Variants in NBAS observed in about 807,000 individuals in gnomAD.
NBAS encodes the protein NAG/BC035112 fusion.
Under a neutral mutation model 302.5 loss-of-function variants are expected in NBAS, and 219 were observed. The observed-to-expected ratio is 0.72, with a 90% CI of 0.65 to 0.81. The LOEUF (loss-of-function observed/expected upper bound fraction) is 0.81. Ranked by LOEUF, NBAS falls within the 30% of genes least tolerant of loss-of-function variation. The pLI is 0.00. For synonymous variants in NBAS, 1,118 were observed against 1,021.6 expected (o/e 1.09, Z -1.80); for missense variants, 2,932 against 2,841.6 (o/e 1.03, Z -0.72).
At chr2:15,483,890 C>G (rs11901502) in intron 12 of NBAS, among the ~76,000 whole-genome samples, 1 of 152,168 alleles carries the variant, frequency 6.6e-6, no homozygotes, top group Middle Eastern at 3.2e-3. Flanking sequence ...AAATTATAAG[C>G]TGACTAGTTT....
chr2:14,800,761 A>G, the NBAS span, among the ~76,000 whole-genome samples: 1 of 144,168 alleles, frequency 6.9e-6, no homozygotes, highest in African/African-American at 2.6e-5. Context: ...CACTTTAAAC[A>G]GTTGATTTTA....
chr2:15,330,986 G>A (rs1672316246), intron 35 of NBAS, among the ~76,000 whole-genome samples: 1 of 151,834 alleles, frequency 6.6e-6, no homozygotes, highest in African/African-American at 2.4e-5. Context: ...AATAGAATTG[G>A]GAAAAGAGAA....
At chr2:15,382,036 T>TA (rs558057649) in intron 29 of NBAS, among the ~76,000 whole-genome samples, 30 of 152,262 alleles carry the variant, frequency 2.0e-4, no homozygotes, top group Middle Eastern at 3.4e-3. Context: ...AAATTCTAAT[T>TA]AAAAAAACTT....
the NBAS span, among the ~76,000 whole-genome samples, chr2:14,800,349 C>G: frequency 6.6e-6 from 1 of 152,170 alleles, no homozygotes; most frequent in African/African-American, 2.4e-5. Flanking sequence ...AACAAGCTCT[C>G]TCTTTGCCTG....
At chr2:15,523,639 C>T (rs546179478) in intron 9 of NBAS, among the ~76,000 whole-genome samples, 6 of 152,246 alleles carry the variant, frequency 3.9e-5, no homozygotes, top group Non-Finnish European at 8.8e-5. Flanking sequence ...ATAGGCCAGG[C>T]GCAGTGGCTC....
At chr2:15,161,373 C>T in the NBAS span, among the ~76,000 whole-genome samples, 33 of 152,060 alleles carry the variant, frequency 2.2e-4, no homozygotes, top group Non-Finnish European at 3.8e-4. Context: ...TGTAAAAAAA[C>T]GAGCTAAAAT....
chr2:15,401,359 G>T (rs1676143887), intron 26 of NBAS, among the ~76,000 whole-genome samples: 2 of 151,834 alleles, frequency 1.3e-5, no homozygotes, highest in African/African-American at 4.8e-5. Flanking sequence ...AAATAAAAAT[G>T]TCCTTAAAAG....
the NBAS span, among the ~76,000 whole-genome samples, chr2:14,896,978 T>C: frequency 6.6e-6 from 1 of 151,986 alleles, no homozygotes. Flanking sequence ...CTACTAGAGC[T>C]GCATGGAAAT....
chr2:15,379,950 G>T, intron 29 of NBAS, 119 bp from the exon 30 acceptor site: 1 of 844,510 alleles, frequency 1.2e-6, no homozygotes, highest in Non-Finnish European at 1.9e-6. Flanking sequence ...AGAGGTGGTG[G>T]CTGCACAGCA....
the NBAS span, among the ~76,000 whole-genome samples, chr2:14,798,099 C>A: frequency 6.6e-6 from 1 of 151,962 alleles, no homozygotes; most frequent in African/African-American, 2.4e-5. Context: ...TTTGTCTTGC[C>A]TTATTCTAAT....
chr2:14,815,362 C>A, the NBAS span, among the ~76,000 whole-genome samples: 3 of 152,308 alleles, frequency 2.0e-5, no homozygotes, highest in South Asian at 6.2e-4. Context: ...CACACACAGT[C>A]TCAGAGTGAG....
intron 38 of NBAS, among the ~76,000 whole-genome samples, chr2:15,327,457 T>C (rs573822274): frequency 6.6e-6 from 1 of 152,298 alleles, no homozygotes; most frequent in East Asian, 1.9e-4. Context: ...TTATTGAGCA[T>C]TTTTTCCATT....
intron 21 of NBAS, among the ~76,000 whole-genome samples, chr2:15,440,900 G>A (rs1256429182): frequency 6.6e-6 from 1 of 151,922 alleles, no homozygotes; most frequent in Admixed American, 6.6e-5. Context: ...GGAAGAAAGG[G>A]TATCAGCGAT....
chr2:15,417,694 G>T lies in NBAS; in HGVS notation c.2596C>A (p.Leu866Ile), dbSNP rs760958801. The T allele has an allele frequency of 1.2e-6, 2 of 1,613,950 alleles. No homozygotes were observed. The highest frequency in any genetic ancestry group is 2.2e-5 in the South Asian group (2 of 91,068). ...TTCCGCTCCATCCCAAGTCGAATAA[G>T]TGACAATGCACAGTCCACCTAAAAT... is the stretch of plus-strand genomic sequence containing the variant. ...YARQVDCALSLIRLGMERNIP... is the reference protein window; with the variant it reads ...YARQVDCALSIIRLGMERNIP... The change falls in exon 24 of 52, where the codon CTT (leucine) becomes ATT (isoleucine). Residue 866 changes from leucine to isoleucine, a missense_variant. By Grantham distance (5) the Leu-to-Ile change is conservative. Coordinates refer to ENST00000281513, the MANE Select transcript of NBAS (RefSeq NM_015909.4).
the NBAS span, among the ~76,000 whole-genome samples, chr2:14,870,079 G>T: frequency 6.6e-6 from 1 of 152,194 alleles, no homozygotes; most frequent in Non-Finnish European, 1.5e-5. Context: ...AACAGGTAGA[G>T]CTTAAGAGTG....
rs1315669910 is a variant in NBAS, at chr2:15,240,824, A to G, written c.5725-2138T>C. Among the ~76,000 whole-genome samples, 3 of 152,196 alleles carry G rather than the reference A, an allele frequency of 2.0e-5. No individual in the cohort carries two copies. In the East Asian group the frequency reaches 5.8e-4, roughly 29 times the overall value. ...AAATCAGAGCCCACCATTGACTGAC[A>G]AGTATTAATTATGTTACTGTGTTTG... On this transcript the variant is annotated intron_variant, in intron 44 of 51. Transcript: ENST00000281513.
the NBAS span, among the ~76,000 whole-genome samples, chr2:15,068,718 A>C: frequency 6.6e-6 from 1 of 152,254 alleles, no homozygotes; most frequent in African/African-American, 2.4e-5. Context: ...CCCTGGCAGC[A>C]CCATCCAAAA....
intron 28 of NBAS, among the ~76,000 whole-genome samples, chr2:15,393,983 A>G (rs966323314): frequency 6.6e-6 from 1 of 152,072 alleles, no homozygotes; most frequent in African/African-American, 2.4e-5. Flanking sequence ...AAAGCAAGAG[A>G]GAAAGGATTC....
intron 24 of NBAS, 113 bp downstream of exon 24, chr2:15,417,414 T>C (rs765868012): frequency 1.1e-6 from 1 of 893,760 alleles, no homozygotes; most frequent in Non-Finnish European, 1.7e-6. Flanking sequence ...AATCTTTATT[T>C]ACTAACTTCT....
Sources: allele counts gnomAD v4.1 joint callset (sites outside exome capture counted in the v4.1 genomes callset), GRCh38; gene constraint gnomAD v4.1.1; transcripts MANE v1.5; gene names NCBI Gene and HGNC (gene_info 2026-07-23, HGNC 2026-07-21).